FAM117A: variants seen among roughly 807,000 people sequenced by gnomAD.
The protein encoded by FAM117A is protein FAM117A.
FAM117A carries 21 observed loss-of-function variants against 44.1 expected under a neutral mutation model. The ratio of observed to expected loss-of-function variants is 0.48; its 90% CI spans 0.34 to 0.69. FAM117A has a LOEUF of 0.69. Ranked by LOEUF, FAM117A falls within the 30% of genes least tolerant of loss-of-function variation. The pLI, the probability that FAM117A is intolerant of heterozygous loss-of-function variation, is 0.01. For missense variants in FAM117A, 498 were observed against 589.9 expected, an observed-to-expected ratio of 0.84 and a Z score of 1.61; for synonymous variants, 220 against 238.3, an observed-to-expected ratio of 0.92 and a Z score of 0.71.
chr17:49,787,854 C>A (rs937778419), intron 1 of FAM117A, among the ~76,000 whole-genome samples: 1 of 152,276 alleles, frequency 6.6e-6, no homozygotes, highest in Non-Finnish European at 1.5e-5. Flanking sequence ...CCTCTTCCTC[C>A]GCCTCGTAAC....
At position 49,740,496 on chromosome 17, in the gene FAM117A, A is replaced by G. The variant is rs552783147; in HGVS notation, c.197-7776T>C. On this transcript the variant is annotated intron_variant, in intron 1 of 7. Coordinates refer to ENST00000240364, the MANE Select transcript of FAM117A (RefSeq NM_030802.4). ...GATCTTCTGACCTTGTGATCCGCCC[A>G]CCTTGTCCTCCCAAAGTGCTGGGAT... is the stretch of plus-strand genomic sequence containing the variant. Among the ~76,000 whole-genome samples the G allele has an allele frequency of 1.6e-3, 236 of 152,180 alleles. 1 individual carries two copies. Among genetic ancestry groups the G allele is most frequent in the African/African-American group, 5.3e-3 (220 of 41,522 alleles).
At chr17:49,719,960 A>T in intron 4 of FAM117A, 66 bp from the exon 5 acceptor site, 1 of 1,544,966 alleles carries the variant, frequency 6.5e-7, no homozygotes, top group South Asian at 1.2e-5. Context: ...TTTCATTCTG[A>T]CCAGGGGTAA....
intron 1 of FAM117A, among the ~76,000 whole-genome samples, chr17:49,777,963 G>A (rs931604375): frequency 6.6e-6 from 1 of 152,214 alleles, no homozygotes; most frequent in Admixed American, 6.5e-5. Flanking sequence ...TGAGACCAAT[G>A]ACTTATACAG....
At chr17:49,743,880 A>T (rs534316209) in intron 1 of FAM117A, among the ~76,000 whole-genome samples, 22 of 151,832 alleles carry the variant, frequency 1.4e-4, no homozygotes, top group Non-Finnish European at 1.6e-4. Flanking sequence ...GCAGTGAGCT[A>T]TGATTGTGCC....
chr17:49,783,707 C>T (rs1361954881), intron 1 of FAM117A, among the ~76,000 whole-genome samples: 3 of 152,190 alleles, frequency 2.0e-5, no homozygotes, highest in African/African-American at 4.8e-5. Flanking sequence ...ATAGGAATTA[C>T]GGTCACATCA....
intron 1 of FAM117A, among the ~76,000 whole-genome samples, chr17:49,748,259 CA>C (rs1715618495): frequency 1.3e-5 from 2 of 152,124 alleles, no homozygotes; most frequent in Non-Finnish European, 1.5e-5. Context: ...CATTAATTAC[CA>C]ATAAGTCCTA....
intron 1 of FAM117A, among the ~76,000 whole-genome samples, chr17:49,741,890 T>C (rs2073635963): frequency 6.6e-6 from 1 of 152,124 alleles, no homozygotes; most frequent in Non-Finnish European, 1.5e-5. Flanking sequence ...GGGGAAGTTG[T>C]GGCGAAACTG....
intron 1 of FAM117A, among the ~76,000 whole-genome samples, chr17:49,771,323 A>T (rs2073760369): frequency 6.6e-6 from 1 of 152,268 alleles, no homozygotes; most frequent in African/African-American, 2.4e-5. Flanking sequence ...AGATACATTT[A>T]TCTCTGAGAG....
intron 1 of FAM117A, among the ~76,000 whole-genome samples, chr17:49,780,334 C>T (rs1386013318): frequency 6.8e-6 from 1 of 147,646 alleles, no homozygotes; most frequent in Non-Finnish European, 1.5e-5. Context: ...TCCCAGGTCA[C>T]CAGGAAAGTA....
intron 1 of FAM117A, among the ~76,000 whole-genome samples, chr17:49,772,190 G>C (rs2073762949): frequency 6.6e-6 from 1 of 151,828 alleles, no homozygotes; most frequent in South Asian, 2.1e-4. Context: ...TTATTTGGGA[G>C]GCTGAGGTGG....
Position 49,731,642 on chromosome 17 carries a change from C to A in FAM117A, c.366+909G>T, listed in dbSNP as rs1026946786. 8.5e-5 allele frequency among the ~76,000 whole-genome samples: 13 copies of A among 152,320 alleles called. No individual in the cohort carries two copies. The East Asian group carries it at 2.1e-3, about 25-fold the overall frequency. ...TCGGGGCTGCTGGCAAGGAAGAATT[C>A]TCCATTATCTGAGAACTTCCCATTC... On this transcript the variant is annotated intron_variant, in intron 2 of 7. Coordinates refer to ENST00000240364, the MANE Select transcript of FAM117A (RefSeq NM_030802.4).
intron 1 of FAM117A, among the ~76,000 whole-genome samples, chr17:49,786,422 G>C (rs748776435): frequency 8.5e-5 from 13 of 152,170 alleles, no homozygotes; most frequent in Non-Finnish European, 1.8e-4. Flanking sequence ...AAACAGTAAT[G>C]ATATTCTTAC....
upstream of FAM117A, among the ~76,000 whole-genome samples, chr17:49,767,804 T>G (rs2073749626): frequency 6.6e-6 from 1 of 152,058 alleles, no homozygotes; most frequent in Middle Eastern, 3.2e-3. Flanking sequence ...CTCGGGAGGC[T>G]GAGGCAGAGA....
chr17:49,748,574 T>G (rs1042790774), intron 1 of FAM117A, among the ~76,000 whole-genome samples: 1 of 152,128 alleles, frequency 6.6e-6, no homozygotes, highest in Admixed American at 6.5e-5. Flanking sequence ...GGTAACAATA[T>G]AGTAAGTGCT....
chr17:49,772,522 C>T (rs531917344), intron 1 of FAM117A, among the ~76,000 whole-genome samples: 3 of 151,962 alleles, frequency 2.0e-5, no homozygotes, highest in African/African-American at 4.8e-5. Context: ...GAGGCTGAGG[C>T]GGGTGGATTA....
At position 49,732,690 on chromosome 17, in the gene FAM117A, T is replaced by G; in HGVS notation, c.227A>C (p.Lys76Thr). The G allele has an allele frequency of 1.9e-6, 3 of 1,613,800 alleles. No individual in the cohort carries two copies. In the South Asian group the frequency reaches 3.3e-5, roughly 18 times the overall value. The change falls in exon 2 of 8, where the codon AAG becomes ACG. Residue 76 changes from lysine (K) to threonine (T), a missense_variant. By Grantham distance (78) the Lys-to-Thr change is moderately conservative. Around this residue, in one of 3 missense-constraint regions of FAM117A, gnomAD observed 270 missense variants for 277.4 expected, o/e 0.97. Coordinates refer to ENST00000240364, the MANE Select transcript of FAM117A (RefSeq NM_030802.4). ...ASVPCSVAPE[K>T]SVCRPQPLQV... ...AAGTGGCTGAGGCCTACACACTGAC[T>G]TTTCTGGGGCCACCGAGCATGGGAC...
At chr17:49,775,341 A>G (rs1216773929) in intron 1 of FAM117A, among the ~76,000 whole-genome samples, 1 of 152,040 alleles carries the variant, frequency 6.6e-6, no homozygotes, top group Non-Finnish European at 1.5e-5. Context: ...CCCACCCAAC[A>G]CTTCAACCCT....
intron 1 of FAM117A, among the ~76,000 whole-genome samples, chr17:49,755,199 G>T (rs1399326361): frequency 6.6e-6 from 1 of 152,202 alleles, no homozygotes; most frequent in Non-Finnish European, 1.5e-5. Flanking sequence ...CTATCTGGTG[G>T]TTGGTGGGAG....
intron 1 of FAM117A, among the ~76,000 whole-genome samples, chr17:49,743,556 C>T (rs998731511): frequency 2.6e-5 from 4 of 152,120 alleles, no homozygotes; most frequent in African/African-American, 7.2e-5. Context: ...AGTGAAACCC[C>T]GTCTCTACTA....
Sources: gnomAD v4.1 joint callset for allele counts (sites outside exome capture counted in the v4.1 genomes callset) on GRCh38, gnomAD v4.1.1 for gene constraint, gnomAD v4.1.1 regional missense constraint, MANE v1.5 for transcripts, NCBI Gene and HGNC (gene_info 2026-07-23, HGNC 2026-07-21) for gene names.